Variants in GABRB2 observed in about 807,000 individuals in gnomAD.
The protein encoded by GABRB2 is gamma-aminobutyric acid receptor subunit beta-2.
GABRB2 carries 16 observed loss-of-function variants against 54.7 expected under a neutral mutation model. The observed-to-expected ratio is 0.29, with a 90% CI of 0.20 to 0.44. The LOEUF is 0.44. Ranked by LOEUF, GABRB2 falls within the 20% of genes least tolerant of loss-of-function variation. The probability of loss-of-function intolerance (pLI) is 1.00; values close to 1 mark genes in which losing one functional copy is unlikely to be tolerated. For synonymous variants in GABRB2, 244 were observed against 233.8 expected (o/e 1.04, Z -0.40); for missense variants, 355 against 644.0 (o/e 0.55, Z 4.86).
intron 3 of GABRB2, among the ~76,000 whole-genome samples, chr5:161,462,789 T>A (rs1372521868): frequency 2.6e-5 from 4 of 152,182 alleles, no homozygotes; most frequent in African/African-American, 4.8e-5. Flanking sequence ...CAAATACACA[T>A]CATGACACTG....
chr5:161,450,216 G>A (rs1040117798), intron 4 of GABRB2, among the ~76,000 whole-genome samples: 6 of 152,160 alleles, frequency 3.9e-5, no homozygotes, highest in African/African-American at 1.4e-4. Flanking sequence ...TTTCAGTGCT[G>A]CCACAGCGAA....
intron 3 of GABRB2, among the ~76,000 whole-genome samples, chr5:161,531,823 T>C (rs1760472589): frequency 6.6e-6 from 1 of 152,104 alleles, no homozygotes; most frequent in African/African-American, 2.4e-5. Context: ...TTTAAATTTC[T>C]ATTTCAGATA....
At chr5:161,368,648 T>TATA (rs1198596402) in intron 5 of GABRB2, among the ~76,000 whole-genome samples, 1 of 152,178 alleles carries the variant, frequency 6.6e-6, no homozygotes, top group Non-Finnish European at 1.5e-5. Context: ...CAAACTGATG[T>TATA]ATACAACCTA....
intron 9 of GABRB2, among the ~76,000 whole-genome samples, chr5:161,316,964 A>G (rs972307727): frequency 6.6e-6 from 1 of 152,110 alleles, no homozygotes; most frequent in South Asian, 2.1e-4. Context: ...TGCTATTTAC[A>G]TGGGGTTGTA....
At chr5:161,454,028 A>G (rs1757872067) in intron 4 of GABRB2, among the ~76,000 whole-genome samples, 2 of 144,654 alleles carry the variant, frequency 1.4e-5, no homozygotes, top group South Asian at 4.5e-4. Context: ...ACAGAGTGAG[A>G]TTCCAAAAAA....
chr5:161,315,716 T>C (rs1758008889), intron 9 of GABRB2, among the ~76,000 whole-genome samples: 1 of 152,200 alleles, frequency 6.6e-6, no homozygotes, highest in Non-Finnish European at 1.5e-5. Context: ...TGTGATATCT[T>C]GGTACATACA....
chr5:161,545,146 AC>A, intron 3 of GABRB2, 80 bp downstream of exon 3: 1 of 961,134 alleles, frequency 1.0e-6, no homozygotes. Context: ...GCACACCCCC[AC>A]CCCCAATAGC....
chr5:161,342,248 T>C (rs1754191897), intron 5 of GABRB2, among the ~76,000 whole-genome samples: 1 of 151,900 alleles, frequency 6.6e-6, no homozygotes, highest in Non-Finnish European at 1.5e-5. Context: ...AAATTTAATG[T>C]GTACATCACA....
chr5:161,427,933 A>AT (rs1757051856), intron 4 of GABRB2, among the ~76,000 whole-genome samples: 1 of 152,268 alleles, frequency 6.6e-6, no homozygotes, highest in Admixed American at 6.5e-5. Flanking sequence ...TAGAGCAATT[A>AT]TTTTTAAGTG....
intron 3 of GABRB2, among the ~76,000 whole-genome samples, chr5:161,505,091 C>A (rs1030859296): frequency 1.3e-5 from 2 of 149,244 alleles, no homozygotes; most frequent in African/African-American, 4.9e-5. Context: ...ATTCTGAAGT[C>A]TTTTCTTTTT....
chr5:161,374,192 C>T (rs1473708025), intron 5 of GABRB2, among the ~76,000 whole-genome samples: 1 of 152,120 alleles, frequency 6.6e-6, no homozygotes, highest in Non-Finnish European at 1.5e-5. Flanking sequence ...GATCCGTTGG[C>T]CTCGGCCTCC....
At chr5:161,458,825 T>A (rs565883242) in intron 4 of GABRB2, among the ~76,000 whole-genome samples, 2 of 152,332 alleles carry the variant, frequency 1.3e-5, no homozygotes, top group South Asian at 4.1e-4. Context: ...ATTATTGTTA[T>A]TATTATCACC....
At chr5:161,484,530 A>G (rs1758860217) in intron 3 of GABRB2, among the ~76,000 whole-genome samples, 1 of 151,902 alleles carries the variant, frequency 6.6e-6, no homozygotes, top group African/African-American at 2.4e-5. Flanking sequence ...CCATAAATTC[A>G]TCCTCCCACC....
intron 3 of GABRB2, among the ~76,000 whole-genome samples, chr5:161,476,896 T>C (rs953452481): frequency 1.3e-5 from 2 of 151,840 alleles, no homozygotes; most frequent in Non-Finnish European, 2.9e-5. Context: ...ATTTCTTGGA[T>C]ATAACCAATA....
At position 161,439,154 on chromosome 5, in the gene GABRB2, G is replaced by C. The variant is rs1166920233; in HGVS notation, c.458+20470C>G. Among the ~76,000 whole-genome samples, 3 of 152,106 alleles carry C rather than the reference G, an allele frequency of 2.0e-5. No homozygotes were observed. The East Asian group carries it at 5.8e-4, about 29-fold the overall frequency. ...AAATAAACAATCCTAAAAGCATCAA[G>C]AGAAAAACAAACAAATAACAATGAC... On this transcript the variant is annotated intron_variant, in intron 4 of 9. Transcript: ENST00000393959.
intron 5 of GABRB2, among the ~76,000 whole-genome samples, chr5:161,374,642 A>G (rs931483589): frequency 2.6e-5 from 4 of 152,250 alleles, no homozygotes; most frequent in Non-Finnish European, 4.4e-5. Flanking sequence ...CTCAATAAAC[A>G]CATGACTCAA....
rs531592583 is a variant in GABRB2 at position 161,484,467 on chromosome 5, G to T, written c.238-24623C>A. Among the ~76,000 whole-genome samples, 3 of 152,044 alleles carry T rather than the reference G, an allele frequency of 2.0e-5. No individual in the cohort carries two copies. The South Asian group carries it at 6.2e-4, about 32-fold the overall frequency. On this transcript the variant is annotated intron_variant, in intron 3 of 9. Coordinates refer to ENST00000393959, the MANE Select transcript of GABRB2 (RefSeq NM_001371727.1). Reference sequence around the variant, plus strand: ...TCAAGTACAAAAGTGGAGCAAAGATGAGACAGTCTCAGAGCAGACCGGCTG... The same window carrying T: ...TCAAGTACAAAAGTGGAGCAAAGATTAGACAGTCTCAGAGCAGACCGGCTG...
At chr5:161,495,242 C>T (rs1759198602) in intron 3 of GABRB2, among the ~76,000 whole-genome samples, 1 of 151,816 alleles carries the variant, frequency 6.6e-6, no homozygotes, top group South Asian at 2.1e-4. Flanking sequence ...ATAAGTCCTA[C>T]CTTAATACTC....
At chr5:161,327,180 A>G (rs899644735) in intron 8 of GABRB2, among the ~76,000 whole-genome samples, 1 of 151,996 alleles carries the variant, frequency 6.6e-6, no homozygotes, top group Non-Finnish European at 1.5e-5. Flanking sequence ...TATTCAGTAG[A>G]CCTCATGTTG....
Sources: allele counts gnomAD v4.1 joint callset (sites outside exome capture counted in the v4.1 genomes callset), GRCh38; gene constraint gnomAD v4.1.1; transcripts MANE v1.5; gene names NCBI Gene and HGNC (gene_info 2026-07-23, HGNC 2026-07-21).